The following SBNO1 variants were observed in gnomAD, a reference collection of about 807,000 sequenced individuals.
SBNO1 encodes the protein strawberry notch homolog 1, also known as protein strawberry notch homolog 1.
Under a neutral mutation model 173.6 loss-of-function variants are expected in SBNO1, and 23 were observed. The ratio of observed to expected loss-of-function variants is 0.13; its 90% CI spans 0.10 to 0.19. SBNO1 has a LOEUF of 0.19. Among genes scored for constraint, SBNO1 ranks in the 10% least tolerant of loss-of-function variants. SBNO1 has a pLI of 1.00. For synonymous variants in SBNO1, 632 were observed against 571.5 expected, an observed-to-expected ratio of 1.11 and a Z score of -1.51; for missense variants, 1,238 against 1,671.2, an observed-to-expected ratio of 0.74 and a Z score of 4.52.
intron 10 of SBNO1, among the ~76,000 whole-genome samples, 171 bp from the exon 11 acceptor site, chr12:123,328,198 T>C (rs936376555): frequency 2.6e-5 from 4 of 152,320 alleles, no homozygotes; most frequent in Non-Finnish European, 4.4e-5. Context: ...CCTCCCTCTC[T>C]AGCCTCAAAG....
chr12:123,293,564 T>C lies in SBNO1; in HGVS notation c.*2344A>G, dbSNP rs1375464964. On this transcript the variant is annotated 3_prime_UTR_variant, in exon 32 of 32. Coordinates refer to ENST00000602398, the MANE Select transcript of SBNO1 (RefSeq NM_001167856.3). ...CCCAGCTCCCATCCATTCACACTGG[T>C]TGCCTTTGTGAGGTCCATTTTGAGA... 4.6e-5 allele frequency: 7 copies of C among 152,182 alleles called. No homozygotes were observed. Among genetic ancestry groups the C allele is most frequent in the Admixed American group, 4.6e-4 (7 of 15,256 alleles). 9.4% of individuals were successfully genotyped at this position (152,182 alleles called of 1,614,324 possible). A position where few individuals can be genotyped will look rare whatever the true frequency, so the allele number is the denominator to read the frequency against.
At position 123,327,692 on chromosome 12, in the gene SBNO1, C is replaced by T. The variant is rs762533968; in HGVS notation, c.1538+15G>A. 1.0e-5 allele frequency: 16 copies of T among 1,600,622 alleles called. No individual in the cohort carries two copies. The highest frequency in any genetic ancestry group is 1.7e-5 in the Admixed American group (1 of 59,908). ...GATTGCTACTGAGAAGAGTATATAC[C>T]GTAAACTGCATTACCTCCGTTCTAC... On this transcript the variant is annotated intron_variant, in intron 12 of 31. Transcript: ENST00000602398.
chr12:123,318,266 CT>C (rs1248340373), intron 20 of SBNO1, among the ~76,000 whole-genome samples: 1 of 152,140 alleles, frequency 6.6e-6, no homozygotes, highest in East Asian at 1.9e-4. Flanking sequence ...ATGACGAAAC[CT>C]TGTCTCTACT....
intron 13 of SBNO1, 80 bp from the exon 14 acceptor site, chr12:123,326,414 G>A: frequency 1.1e-6 from 1 of 874,836 alleles, no homozygotes; most frequent in Non-Finnish European, 1.7e-6. Context: ...TCAAAACAAT[G>A]TTAAGTGCAA....
chr12:123,345,190 C>T, intron 4 of SBNO1, 68 bp downstream of exon 4: 4 of 1,329,994 alleles, frequency 3.0e-6, no homozygotes, highest in South Asian at 1.4e-5. Flanking sequence ...CCAAGCAAAT[C>T]GTTTAAAAAA....
intron 23 of SBNO1, among the ~76,000 whole-genome samples, chr12:123,314,769 C>G (rs11057262): frequency 6.6e-6 from 1 of 152,192 alleles, no homozygotes; most frequent in Non-Finnish European, 1.5e-5. Flanking sequence ...CCACGCCCAT[C>G]TAATTTTTGT....
chr12:123,339,644 A>G (rs1407933202), intron 5 of SBNO1, among the ~76,000 whole-genome samples: 2 of 151,960 alleles, frequency 1.3e-5, no homozygotes, highest in African/African-American at 4.8e-5. Context: ...AAAATTAGCC[A>G]GGGCTGGTGG....
intron 14 of SBNO1, 132 bp downstream of exon 14, chr12:123,326,020 T>G (rs1258807856): frequency 6.7e-6 from 4 of 593,164 alleles, no homozygotes; most frequent in Non-Finnish European, 1.1e-5. Context: ...TTTTATAATT[T>G]TAAGAAATGT....
intron 29 of SBNO1, among the ~76,000 whole-genome samples, chr12:123,304,210 C>G (rs1312313355): frequency 6.6e-6 from 1 of 151,322 alleles, no homozygotes; most frequent in African/African-American, 2.4e-5. Flanking sequence ...AGATTACAGG[C>G]GTGAGCCACT....
chr12:123,335,441 C>T (rs143301801), intron 6 of SBNO1, among the ~76,000 whole-genome samples: 1 of 152,140 alleles, frequency 6.6e-6, no homozygotes, highest in Non-Finnish European at 1.5e-5. Context: ...AAGAGCCAGA[C>T]CCCGTCTTAA....
chr12:123,319,370 T>C (rs1869693521), intron 20 of SBNO1, among the ~76,000 whole-genome samples: 1 of 152,182 alleles, frequency 6.6e-6, no homozygotes, highest in Non-Finnish European at 1.5e-5. Flanking sequence ...TTATATTCAA[T>C]GATAAAATAA....
intron 30 of SBNO1, among the ~76,000 whole-genome samples, chr12:123,298,413 G>T (rs1028418744): frequency 1.8e-4 from 27 of 151,432 alleles, no homozygotes; most frequent in East Asian, 9.7e-4. Context: ...ACTTTTTTTT[G>T]TTGTTGTTGT....
At position 123,294,023 on chromosome 12, in the gene SBNO1, TG is replaced by T. The variant is rs2048548793; in HGVS notation, c.*1884del. 1 of 152,366 alleles carries T rather than the reference TG, an allele frequency of 6.6e-6. No individual in the cohort carries two copies. 9.4% of individuals were successfully genotyped at this position (152,366 alleles called of 1,614,324 possible). A position where few individuals can be genotyped will look rare whatever the true frequency, so the allele number is the denominator to read the frequency against. ...AGGTGGGGAGAGTGCTGCTCTTGGC[TG>T]CCAGCCGGGTCTAGCGGCCCTAACA... On this transcript the variant is annotated 3_prime_UTR_variant, in exon 32 of 32. Transcript: ENST00000602398.
At chr12:123,355,072 G>A (rs963965334) in intron 1 of SBNO1, among the ~76,000 whole-genome samples, 17 of 151,856 alleles carry the variant, frequency 1.1e-4, no homozygotes, top group African/African-American at 3.6e-4. Context: ...CCAGGCTGGA[G>A]TGCAGTGGCG....
chr12:123,307,414 G>A (rs1450548234), intron 28 of SBNO1, among the ~76,000 whole-genome samples: 1 of 152,074 alleles, frequency 6.6e-6, no homozygotes, highest in Non-Finnish European at 1.5e-5. Flanking sequence ...GACCACATAT[G>A]GCCTACAAAA....
chr12:123,306,489 G>A (rs1566023924), intron 28 of SBNO1, among the ~76,000 whole-genome samples: 3 of 152,180 alleles, frequency 2.0e-5, no homozygotes, highest in African/African-American at 7.2e-5. Context: ...CAACCTAAGA[G>A]AAGCTGGGGA....
At chr12:123,305,566 A>C (rs1378768660) in intron 28 of SBNO1, among the ~76,000 whole-genome samples, 2 of 151,984 alleles carry the variant, frequency 1.3e-5, no homozygotes, top group East Asian at 3.9e-4. Context: ...TCCGCCTCCC[A>C]GGTTCAAGGC....
chr12:123,344,155 C>A (rs190480640), intron 4 of SBNO1, among the ~76,000 whole-genome samples: 21 of 152,196 alleles, frequency 1.4e-4, no homozygotes, highest in African/African-American at 4.1e-4. Context: ...ATCCAAAGAC[C>A]GTAACGAGAA....
At chr12:123,336,106 T>C (rs1286895691) in intron 6 of SBNO1, among the ~76,000 whole-genome samples, 3 of 152,172 alleles carry the variant, frequency 2.0e-5, no homozygotes, top group Non-Finnish European at 2.9e-5. Flanking sequence ...ACAAAAACTA[T>C]GGAATTCAAA....
Sources: allele counts gnomAD v4.1 joint callset (sites outside exome capture counted in the v4.1 genomes callset), GRCh38; gene constraint gnomAD v4.1.1; transcripts MANE v1.5; gene names NCBI Gene and HGNC (gene_info 2026-07-23, HGNC 2026-07-21).